EIPR1: variants seen among roughly 807,000 people sequenced by gnomAD.
EIPR1 encodes the protein EARP and GARP complex-interacting protein 1.
Under a neutral mutation model 48.1 loss-of-function variants are expected in EIPR1, and 25 were observed. That is an observed-to-expected ratio of 0.52 (90% CI 0.38 to 0.73). EIPR1 has a LOEUF of 0.73. Among genes scored for constraint, EIPR1 ranks in the 30% least tolerant of loss-of-function variants. EIPR1 has a pLI of 0.00. For missense variants in EIPR1, 415 were observed against 506.2 expected, an observed-to-expected ratio of 0.82 and a Z score of 1.73; for synonymous variants, 204 against 201.9, an observed-to-expected ratio of 1.01 and a Z score of -0.09.
chr2:3,304,233 G>A (rs1168492190), intron 3 of EIPR1, among the ~76,000 whole-genome samples: 3 of 152,208 alleles, frequency 2.0e-5, no homozygotes, highest in Non-Finnish European at 4.4e-5. Flanking sequence ...GCGCGGGGAG[G>A]TGGTCTGGCG....
intron 3 of EIPR1, among the ~76,000 whole-genome samples, chr2:3,307,031 G>A (rs919017574): frequency 7.9e-5 from 12 of 151,224 alleles, no homozygotes; most frequent in East Asian, 1.9e-4. Context: ...GGCGTGATCC[G>A]GGCTCACTGC....
chr2:3,225,262 G>A (rs990470948), intron 4 of EIPR1, among the ~76,000 whole-genome samples: 2 of 146,344 alleles, frequency 1.4e-5, no homozygotes, highest in Admixed American at 6.8e-5. Context: ...GTGTGTGTGT[G>A]TATGACAGGG....
intron 4 of EIPR1, among the ~76,000 whole-genome samples, chr2:3,227,042 C>G (rs1666085982): frequency 6.6e-6 from 1 of 152,128 alleles, no homozygotes; most frequent in African/African-American, 2.4e-5. Context: ...TGAAAACAGA[C>G]AAATACGGTA....
rs13427200 is a variant in EIPR1, at chr2:3,221,691, T to C, written c.417-7443A>G. ...AATGGCCGAGGTACACTCTAGAGCA[T>C]TCACAGTGAGACCGGAACACACGCA... On this transcript the variant is annotated intron_variant, in intron 4 of 8. Transcript: ENST00000382125. 4.2e-3 allele frequency among the ~76,000 whole-genome samples: 48 copies of C among 11,360 alleles called. 1 individual carries two copies. The highest frequency in any genetic ancestry group is 0.013 in the East Asian group (2 of 152). The allele number at this position is 11,360 out of a possible 152,430, so 7.5% of individuals were successfully genotyped here.
At chr2:3,213,136 T>C (rs1286411037) in intron 5 of EIPR1, among the ~76,000 whole-genome samples, 2 of 152,216 alleles carry the variant, frequency 1.3e-5, no homozygotes, top group Non-Finnish European at 2.9e-5. Flanking sequence ...AGGCCATCAC[T>C]GGAGAAATCT....
chr2:3,198,134 G>C (rs1664874544), intron 5 of EIPR1, among the ~76,000 whole-genome samples: 1 of 152,172 alleles, frequency 6.6e-6, no homozygotes, highest in Non-Finnish European at 1.5e-5. Flanking sequence ...ACTCAGAACA[G>C]AAAGACGGGC....
chr2:3,302,592 T>A (rs945023109), intron 3 of EIPR1, among the ~76,000 whole-genome samples: 1 of 152,244 alleles, frequency 6.6e-6, no homozygotes, highest in African/African-American at 2.4e-5. Context: ...ACAGGCCGGA[T>A]GAAGACAGCG....
chr2:3,287,656 TCAC>T (rs1382727270), intron 3 of EIPR1, among the ~76,000 whole-genome samples: 6 of 148,876 alleles, frequency 4.0e-5, no homozygotes, highest in Non-Finnish European at 8.9e-5. Flanking sequence ...GAAAGCTCGT[TCAC>T]CACAATCCGG....
intron 5 of EIPR1, among the ~76,000 whole-genome samples, chr2:3,204,077 T>A (rs914956709): frequency 6.6e-6 from 1 of 152,282 alleles, no homozygotes; most frequent in South Asian, 2.1e-4. Context: ...ACAGACAGAC[T>A]AACACGAGGC....
At chr2:3,322,821 AAAGTGGG>A (rs1413480501) in intron 3 of EIPR1, among the ~76,000 whole-genome samples, 1 of 152,174 alleles carries the variant, frequency 6.6e-6, no homozygotes, top group Non-Finnish European at 1.5e-5. Flanking sequence ...CTTCATCAGC[AAAGTGGG>A]AAGTCCCCAG....
chr2:3,298,662 C>G (rs772942060), intron 3 of EIPR1, among the ~76,000 whole-genome samples: 7 of 151,794 alleles, frequency 4.6e-5, no homozygotes, highest in Admixed American at 2.0e-4. Flanking sequence ...TCTCCTATAC[C>G]AAGAGCTCAC....
At chr2:3,238,293 C>T (rs1307682253) in intron 4 of EIPR1, among the ~76,000 whole-genome samples, 1 of 152,194 alleles carries the variant, frequency 6.6e-6, no homozygotes, top group Admixed American at 6.5e-5. Flanking sequence ...CCGGAGCGCC[C>T]GTGACCCCTG....
chr2:3,283,000 G>A (rs996714389), intron 3 of EIPR1, among the ~76,000 whole-genome samples: 2 of 152,230 alleles, frequency 1.3e-5, no homozygotes, highest in Non-Finnish European at 2.9e-5. Context: ...GGGGTGATCT[G>A]TCCTTTTACT....
intron 4 of EIPR1, among the ~76,000 whole-genome samples, chr2:3,248,860 G>T (rs1038973123): frequency 6.6e-6 from 1 of 152,156 alleles, no homozygotes; most frequent in African/African-American, 2.4e-5. Context: ...GATGCACTGG[G>T]CCCCTTTCAC....
chr2:3,299,011 C>T (rs577260960), intron 3 of EIPR1, among the ~76,000 whole-genome samples: 9 of 152,300 alleles, frequency 5.9e-5, no homozygotes, highest in East Asian at 1.9e-4. Context: ...AGTCCTCTCC[C>T]GCTTAACAGC....
intron 4 of EIPR1, among the ~76,000 whole-genome samples, chr2:3,227,588 G>A (rs1666104788): frequency 6.6e-6 from 1 of 152,236 alleles, no homozygotes; most frequent in Admixed American, 6.5e-5. Flanking sequence ...ATTTGCATAA[G>A]TAACAAGAAG....
Position 3,192,869 on chromosome 2 carries a change from C to T in EIPR1, c.822-288G>A, listed in dbSNP as rs550087927. 0.015 allele frequency among the ~76,000 whole-genome samples: 535 copies of T among 36,508 alleles called. 3 individuals carry two copies. Among genetic ancestry groups the T allele is most frequent in the Admixed American group, 0.032 (105 of 3,306 alleles). 24.0% of individuals were successfully genotyped at this position (36,508 alleles called of 152,430 possible). On this transcript the variant is annotated intron_variant, in intron 7 of 8. Transcript: ENST00000382125. ...CATTTCAGACAAGCTTTCTAAAATT[C>T]GAAAAAAAAAAAAAAATACTGTCCC...
intron 1 of EIPR1, among the ~76,000 whole-genome samples, chr2:3,369,743 T>C (rs910643520): frequency 1.3e-5 from 2 of 152,226 alleles, no homozygotes; most frequent in Admixed American, 1.3e-4. Context: ...AAGCTCGAAC[T>C]GGGTGGAGCG....
In EIPR1 at chr2:3,295,946, ACC is replaced by A. The variant is rs1441514137; in HGVS notation, c.260-38493_260-38492del. ...GCCCATCCTCTCCTTGCACACACAC[ACC>A]CTCCATCCAGCCCATCCTCTCTCTG... On this transcript the variant is annotated intron_variant, in intron 3 of 8. Coordinates refer to ENST00000382125, the MANE Select transcript of EIPR1 (RefSeq NM_003310.5). 9.0e-4 allele frequency among the ~76,000 whole-genome samples: 76 copies of A among 84,346 alleles called. 1 individual carries two copies. The East Asian group carries it at 0.023, about 25-fold the overall frequency. 55.3% of individuals were successfully genotyped at this position (84,346 alleles called of 152,430 possible). A position where few individuals can be genotyped will look rare whatever the true frequency, so the allele number is the denominator to read the frequency against.
Sources: allele counts gnomAD v4.1 joint callset (sites outside exome capture counted in the v4.1 genomes callset), GRCh38; gene constraint gnomAD v4.1.1; transcripts MANE v1.5; gene names NCBI Gene and HGNC (gene_info 2026-07-23, HGNC 2026-07-21).